BCAS3: variants seen among roughly 807,000 people sequenced by gnomAD.
BCAS3 encodes BCAS3 microtubule associated cell migration factor.
A neutral mutation model predicts 116.1 loss-of-function variants in BCAS3; 53 were observed. That is an observed-to-expected ratio of 0.46 (90% CI 0.37 to 0.57). The LOEUF (loss-of-function observed/expected upper bound fraction) is 0.57. Among genes scored for constraint, BCAS3 ranks in the 20% least tolerant of loss-of-function variants. BCAS3 has a pLI of 0.00. For synonymous variants in BCAS3, 391 were observed against 408.2 expected, an observed-to-expected ratio of 0.96 and a Z score of 0.51; for missense variants, 917 against 1,165.4, an observed-to-expected ratio of 0.79 and a Z score of 3.10.
rs1005406946 is a variant in BCAS3, at chr17:61,134,271, T to C, written c.2425+49707T>C. Among the ~76,000 whole-genome samples the C allele has an allele frequency of 2.0e-5, 3 of 152,222 alleles. No homozygotes were observed. Among genetic ancestry groups the C allele is most frequent in the Non-Finnish European group, 2.9e-5 (2 of 68,040 alleles). Reference sequence around the variant, plus strand: ...GATCAATAATAGTAGTGAACACTTGTTGATTTTTTAAAAATCAACTGTTAG... The same window carrying C: ...GATCAATAATAGTAGTGAACACTTGCTGATTTTTTAAAAATCAACTGTTAG... On this transcript the variant is annotated intron_variant, in intron 22 of 23. Coordinates refer to ENST00000407086, the MANE Select transcript of BCAS3 (RefSeq NM_017679.5). The surrounding 1 kb of genome is among the most constrained non-coding windows in gnomAD (Gnocchi z 4.6).
intron 22 of BCAS3, among the ~76,000 whole-genome samples, chr17:61,252,880 CA>C (rs1354711790): frequency 0.011 from 842 of 79,614 alleles, 8 homozygotes; most frequent in African/African-American, 0.032. Context: ...TGTTCCTATA[CA>C]TTTTTTTTTT....
intron 13 of BCAS3, among the ~76,000 whole-genome samples, chr17:60,927,595 T>C (rs1266202140): frequency 1.3e-5 from 2 of 152,174 alleles, no homozygotes; most frequent in African/African-American, 4.8e-5. Flanking sequence ...GAGATTCTAC[T>C]AAAGTTCTTC....
chr17:61,175,199 G>A (rs2079065645), intron 22 of BCAS3, among the ~76,000 whole-genome samples: 1 of 152,136 alleles, frequency 6.6e-6, no homozygotes, highest in Non-Finnish European at 1.5e-5. Flanking sequence ...TTGTTGGCAG[G>A]AGTTCGAGAT....
At chr17:61,267,860 C>T (rs2049883497) in intron 22 of BCAS3, among the ~76,000 whole-genome samples, 2 of 152,052 alleles carry the variant, frequency 1.3e-5, no homozygotes, top group South Asian at 2.1e-4. Context: ...AGACTCTGCC[C>T]TCCTTTGTTT....
rs141019985 is a variant in BCAS3, at chr17:60,875,064, G to T, written c.661+326G>T. On this transcript the variant is annotated intron_variant, in intron 9 of 23. Transcript: ENST00000407086. ...CAGTTGTTAAATTGCTTAACATACC[G>T]TACTTTTATACATTATACCTTTACA... is the stretch of plus-strand genomic sequence containing the variant. Among the ~76,000 whole-genome samples, 58 of 151,938 alleles carry T rather than the reference G, an allele frequency of 3.8e-4. 1 individual carries two copies. In the East Asian group the frequency reaches 0.011, roughly 28 times the overall value.
At chr17:61,176,368 TCC>T (rs1448660595) in intron 22 of BCAS3, among the ~76,000 whole-genome samples, 1 of 64,682 alleles carries the variant, frequency 1.5e-5, no homozygotes, top group African/African-American at 4.1e-5. Flanking sequence ...ATTTTTTTCT[TCC>T]TATATTTTTG....
Position 61,380,573 on chromosome 17 carries a change from T to C in BCAS3, c.2594-11404T>C. 6.3e-6 allele frequency: 10 copies of C among 1,597,492 alleles called. No homozygotes were observed. The highest frequency in any genetic ancestry group is 8.5e-6 in the Non-Finnish European group (10 of 1,178,998). On this transcript the variant is annotated intron_variant, in intron 23 of 23. Coordinates refer to ENST00000407086, the MANE Select transcript of BCAS3 (RefSeq NM_017679.5). This position sits in a 1 kb window ranked among gnomAD's most constrained non-coding sequence, Gnocchi z 4.2. ...GACACGTGGCAGTGAAGTGTTTTGG[T>C]ATGTAACGTCCTATCTTTGCCTATG...
intron 4 of BCAS3, among the ~76,000 whole-genome samples, chr17:60,692,749 T>A (rs1203297795): frequency 2.0e-5 from 3 of 147,592 alleles, no homozygotes; most frequent in Non-Finnish European, 4.5e-5. Flanking sequence ...AAAAAAAAAT[T>A]AGCTGGAGTG....
chr17:61,156,171 TA>T lies in BCAS3; in HGVS notation c.2425+71621del, dbSNP rs57589505. On this transcript the variant is annotated intron_variant, in intron 22 of 23. Transcript: ENST00000407086. This position sits in a 1 kb window ranked among gnomAD's most constrained non-coding sequence, Gnocchi z 4.7. ...GAGAAAGACAGTCAGCCAGACACAT[TA>T]AAAAAAAAAAAAAGAAAAGTAAAAT... Among the ~76,000 whole-genome samples the T allele has an allele frequency of 0.19, 26,727 of 140,726 alleles. 2,500 individuals are homozygous for T. The highest frequency in any genetic ancestry group is 0.25 in the African/African-American group (9,474 of 38,596). 92.3% of individuals were successfully genotyped at this position (140,726 alleles called of 152,430 possible). A position where few individuals can be genotyped will look rare whatever the true frequency, so the allele number is the denominator to read the frequency against.
chr17:61,051,227 T>C lies in BCAS3; in HGVS notation c.2029+10335T>C, dbSNP rs1017298087. 1.3e-5 allele frequency among the ~76,000 whole-genome samples: 2 copies of C among 152,056 alleles called. No homozygotes were observed. The highest frequency in any genetic ancestry group is 2.9e-5 in the Non-Finnish European group (2 of 67,976). Reference sequence around the variant, plus strand: ...TTTCCACACTGCATGATTTCATTTATATAACATTCTCAAAATGACAAAATT... The same window carrying C: ...TTTCCACACTGCATGATTTCATTTACATAACATTCTCAAAATGACAAAATT... On this transcript the variant is annotated intron_variant, in intron 19 of 23. Coordinates refer to ENST00000407086, the MANE Select transcript of BCAS3 (RefSeq NM_017679.5). This position sits in a 1 kb window ranked among gnomAD's most constrained non-coding sequence, Gnocchi z 4.1.
At chr17:60,684,161 C>A in intron 3 of BCAS3, 125 bp downstream of exon 3, 2 of 812,146 alleles carry the variant, frequency 2.5e-6, no homozygotes, top group Middle Eastern at 2.3e-4. Context: ...GCATCCTGAG[C>A]ATTCGTAGGG....
rs181743284 is a variant in BCAS3, at chr17:61,370,629, C to T, written c.2593+2135C>T. 8.7e-4 allele frequency among the ~76,000 whole-genome samples: 133 copies of T among 152,338 alleles called. 1 individual carries two copies. Among genetic ancestry groups the T allele is most frequent in the African/African-American group, 2.9e-3 (122 of 41,588 alleles). On this transcript the variant is annotated intron_variant, in intron 23 of 23. Coordinates refer to ENST00000407086, the MANE Select transcript of BCAS3 (RefSeq NM_017679.5). ...GTCTTGAACTCCTGACCTCGTGATC[C>T]GCCTGCCTCGGCCTCCCAGAGAGCT...
At chr17:60,741,783 C>G (rs151048904) in intron 5 of BCAS3, among the ~76,000 whole-genome samples, 215 of 152,232 alleles carry the variant, frequency 1.4e-3, no homozygotes, top group South Asian at 3.3e-3. Context: ...GGTACAATCA[C>G]ATTGGAAAAT....
At chr17:60,927,491 G>A (rs538946424) in intron 13 of BCAS3, among the ~76,000 whole-genome samples, 14 of 152,176 alleles carry the variant, frequency 9.2e-5, no homozygotes, top group South Asian at 8.3e-4. Flanking sequence ...TGTTGACCTC[G>A]TGATCCACTT....
At position 61,302,814 on chromosome 17, in the gene BCAS3, G is replaced by A. The variant is rs1159426469; in HGVS notation, c.2426-65513G>A. Among the ~76,000 whole-genome samples the A allele has an allele frequency of 6.6e-6, 1 of 152,166 alleles. No homozygotes were observed. The highest frequency in any genetic ancestry group is 1.5e-5 in the Non-Finnish European group (1 of 68,044). On this transcript the variant is annotated intron_variant, in intron 22 of 23. Coordinates refer to ENST00000407086, the MANE Select transcript of BCAS3 (RefSeq NM_017679.5). The surrounding 1 kb of genome is among the most constrained non-coding windows in gnomAD (Gnocchi z 4.4). ...AGTAGTTCAGACTTTGTAGAGAAAG[G>A]CAGTGAGACGGAACAGTTCTGGCCA...
intron 22 of BCAS3, among the ~76,000 whole-genome samples, chr17:61,230,172 CACAT>C (rs1251796897): frequency 1.0e-3 from 126 of 125,276 alleles, no homozygotes; most frequent in African/African-American, 3.3e-3. Flanking sequence ...CACACACACA[CACAT>C]AGTGTTGATA....
intron 6 of BCAS3, among the ~76,000 whole-genome samples, chr17:60,806,206 C>G (rs2048273705): frequency 6.6e-6 from 1 of 152,018 alleles, no homozygotes. Flanking sequence ...CTAGGTTGAA[C>G]AAAGAATGAC....
Position 61,316,535 on chromosome 17 carries a change from A to ACGGCTCCCCTG in BCAS3, c.2426-51791_2426-51790insGGCTCCCCTGC, listed in dbSNP as rs1438455322. On this transcript the variant is annotated intron_variant, in intron 22 of 23. Transcript: ENST00000407086. This position sits in a 1 kb window ranked among gnomAD's most constrained non-coding sequence, Gnocchi z 5.8. ...CTCCACATGCCGCCGCGTCCCTTCC[A>ACGGCTCCCCTG]CAGCTCCCCTGCAGTAGCACCCCTC... Among the ~76,000 whole-genome samples, 7 of 151,656 alleles carry ACGGCTCCCCTG rather than the reference A, an allele frequency of 4.6e-5. No individual in the cohort carries two copies. The highest frequency in any genetic ancestry group is 1.7e-4 in the African/African-American group (7 of 41,234).
At chr17:61,293,544 G>A (rs2052633190) in intron 22 of BCAS3, among the ~76,000 whole-genome samples, 1 of 152,178 alleles carries the variant, frequency 6.6e-6, no homozygotes, top group Admixed American at 6.5e-5. Flanking sequence ...GTAGAGGATA[G>A]CAGAACAAGG....
Sources: gnomAD v4.1 joint callset for allele counts (sites outside exome capture counted in the v4.1 genomes callset) on GRCh38, gnomAD v4.1.1 for gene constraint, Gnocchi (gnomAD v3.1) non-coding constraint, MANE v1.5 for transcripts, NCBI Gene and HGNC (gene_info 2026-07-23, HGNC 2026-07-21) for gene names.